The following ZFHX2 variants were observed in gnomAD, a reference collection of about 807,000 sequenced individuals.
The protein encoded by ZFHX2 is zinc finger homeobox 2, also known as zinc finger homeobox protein 2.
Under a neutral mutation model 164.8 loss-of-function variants are expected in ZFHX2, and 75 were observed. The observed-to-expected ratio is 0.46, with a 90% CI of 0.38 to 0.55. The LOEUF (loss-of-function observed/expected upper bound fraction) is 0.55. ZFHX2 is among the 20% of genes least tolerant of loss of function. The pLI is 0.00. For synonymous variants in ZFHX2, 1,217 were observed against 1,351.4 expected, an observed-to-expected ratio of 0.90 and a Z score of 2.18; for missense variants, 2,933 against 3,308.0, an observed-to-expected ratio of 0.89 and a Z score of 2.78.
At chr14:23,552,923 T>C (rs1187739420), upstream of ZFHX2, among the ~76,000 whole-genome samples, 1 of 152,118 alleles carries the variant, frequency 6.6e-6, no homozygotes. Context: ...CTAATAATAA[T>C]TTTTAAGATT....
chr14:23,529,749 G>C lies in ZFHX2; in HGVS notation c.2895C>G (p.Asn965Lys), dbSNP rs1207220422. 2 of 1,536,126 alleles carry C rather than the reference G, an allele frequency of 1.3e-6. No homozygotes were observed. The highest frequency in any genetic ancestry group is 2.7e-5 in the African/African-American group (2 of 73,012). The change falls in exon 6 of 10, where the codon AAC becomes AAG. Residue 965 changes from asparagine to lysine, a missense_variant. By Grantham distance (94) the Asn-to-Lys change is moderately conservative. Coordinates refer to ENST00000419474, the MANE Select transcript of ZFHX2 (RefSeq NM_033400.3). ...TEQLASEETE[N>K]KTGPSRDSAN... The stretch of plus-strand genomic sequence containing the variant: ...CACTGTCTCTGGAAGGGCCAGTCTT[G>C]TTTTCTGTCTCTTCTGAAGCTGAGG...
At chr14:23,549,142 C>T (rs1260696934) in intron 1 of ZFHX2, among the ~76,000 whole-genome samples, 2 of 152,132 alleles carry the variant, frequency 1.3e-5, no homozygotes, top group Admixed American at 6.6e-5. Context: ...TATCATTTCT[C>T]TTCCTTTTAC....
At position 23,526,179 on chromosome 14, in the gene ZFHX2, C is replaced by G. The variant is rs1420697215; in HGVS notation, c.3763G>C (p.Val1255Leu). ...AGGGTGGAGCTCTGGTTGTAGGAGACTCTGCAGACTGTGCACTTAAAGGGC... is the reference window on the plus strand; with the variant it reads ...AGGGTGGAGCTCTGGTTGTAGGAGAGTCTGCAGACTGTGCACTTAAAGGGC... ...DKPFKCTVCR[V>L]SYNQSSTLEI... The change falls in exon 9 of 10, where the codon GTC becomes CTC. Residue 1255 changes from valine (V) to leucine (L), a missense_variant. Coordinates refer to ENST00000419474, the MANE Select transcript of ZFHX2 (RefSeq NM_033400.3). The G allele has an allele frequency of 1.3e-6, 2 of 1,536,408 alleles. No individual in the cohort carries two copies. The highest frequency in any genetic ancestry group is 8.7e-7 in the Non-Finnish European group (1 of 1,146,948).
Position 23,534,835 on chromosome 14 carries a change from G to A in ZFHX2, c.491C>T (p.Ser164Leu), listed in dbSNP as rs1286479355. ...SLPFLAYPPP[S>L]HLTALHIQHG... is the part of the protein sequence containing the mutation. ...TTGGATGTGAAGGGCAGTGAGGTGT[G>A]AGGGGGGTGGGTAGGCAAGGAAGGG... The change falls in exon 2 of 10, where the codon TCA becomes TTA. Residue 164 changes from serine (S) to leucine (L), a missense_variant. Physicochemically the swap from Ser to Leu is moderately radical, Grantham distance 145 (BLOSUM62 -2). Coordinates refer to ENST00000419474, the MANE Select transcript of ZFHX2 (RefSeq NM_033400.3). This position sits in a 1 kb window ranked among gnomAD's most constrained non-coding sequence, Gnocchi z 4.5. 7 of 1,536,088 alleles carry A rather than the reference G, an allele frequency of 4.6e-6. No homozygotes were observed. In the Admixed American group the frequency reaches 1.4e-4, roughly 30 times the overall value.
rs542410538 is a variant in ZFHX2, at chr14:23,524,178, C to G, written c.5764G>C (p.Gly1922Arg). 2.9e-5 allele frequency: 45 copies of G among 1,536,010 alleles called. No homozygotes were observed. The highest frequency in any genetic ancestry group is 5.5e-5 in the African/African-American group (4 of 73,014). ...ERKGQFRSTP[G>R]GVPSPAVKPP... ...TTCACTGCTGGACTAGGCACCCCCC[C>G]AGGGGTGCTTCGAAACTGGCCTTTC... The change falls in exon 9 of 10, where the codon GGG (glycine) becomes CGG (arginine). Residue 1922 changes from glycine to arginine, a missense_variant. Transcript: ENST00000419474. This position sits in a 1 kb window ranked among gnomAD's most constrained non-coding sequence, Gnocchi z 5.6.
chr14:23,533,202 T>C lies in ZFHX2; in HGVS notation c.2041+83A>G. On this transcript the variant is annotated intron_variant, in intron 2 of 9. Coordinates refer to ENST00000419474, the MANE Select transcript of ZFHX2 (RefSeq NM_033400.3). This position sits in a 1 kb window ranked among gnomAD's most constrained non-coding sequence, Gnocchi z 4.8. ...TCAGAGGGACTTATGGTTACCTAAGTGGGGAGTTGGTCCTTGGGAGAAAGC... is the reference window on the plus strand; with the variant it reads ...TCAGAGGGACTTATGGTTACCTAAGCGGGGAGTTGGTCCTTGGGAGAAAGC... 1.4e-6 allele frequency: 2 copies of C among 1,435,486 alleles called. No homozygotes were observed. Among genetic ancestry groups the C allele is most frequent in the Non-Finnish European group, 1.8e-6 (2 of 1,099,116 alleles). 88.9% of individuals were successfully genotyped at this position (1,435,486 alleles called of 1,614,324 possible). A position where few individuals can be genotyped will look rare whatever the true frequency, so the allele number is the denominator to read the frequency against.
chr14:23,533,035 C>T lies in ZFHX2; in HGVS notation c.2091G>A (p.Leu697=), dbSNP rs1879755571. The T allele has an allele frequency of 6.5e-7, 1 of 1,535,522 alleles. No homozygotes were observed. The highest frequency in any genetic ancestry group is 1.4e-5 in the African/African-American group (1 of 73,132). The change falls in exon 3 of 10, where the codon CTG becomes CTA. Residue 697 remains leucine, a synonymous_variant. Coordinates refer to ENST00000419474, the MANE Select transcript of ZFHX2 (RefSeq NM_033400.3). The surrounding 1 kb of genome is among the most constrained non-coding windows in gnomAD (Gnocchi z 4.8). ...TGGGCAGGCTGTCAGATGAGGAACC[C>T]AGGAGCTGACTTGGAGGCAGGTGGG... ...PDAHLPPSQL[L]GSSSDSLPTS...
intron 6 of ZFHX2, chr14:23,528,563 A>G (rs1409715700): frequency 1.0e-6 from 1 of 973,110 alleles, no homozygotes; most frequent in African/African-American, 1.8e-5. Flanking sequence ...CATTTTCTGG[A>G]CCCAGAGGCT....
chr14:23,541,475 CAG>C (rs1566591797), intron 1 of ZFHX2, among the ~76,000 whole-genome samples: 2 of 151,952 alleles, frequency 1.3e-5, no homozygotes, highest in Non-Finnish European at 2.9e-5. Flanking sequence ...TTAGTACAGA[CAG>C]AGCTTCTCCA....
intron 3 of ZFHX2, 80 bp downstream of exon 3, chr14:23,532,487 T>C (rs1009786044): frequency 7.2e-7 from 1 of 1,391,210 alleles, no homozygotes; most frequent in African/African-American, 1.4e-5. Context: ...GGTTTTCCTA[T>C]CACTTTCTTA....
Position 23,526,168 on chromosome 14 carries a change from G to T in ZFHX2, c.3774C>A (p.Asn1258Lys). 6.5e-7 allele frequency: 1 copy of T among 1,536,486 alleles called. No individual in the cohort carries two copies. The highest frequency in any genetic ancestry group is 8.7e-7 in the Non-Finnish European group (1 of 1,146,914). Residue 1258 changes from asparagine to lysine, a missense_variant, in exon 9 of 10, where the codon AAC (asparagine) becomes AAA (lysine). Coordinates refer to ENST00000419474, the MANE Select transcript of ZFHX2 (RefSeq NM_033400.3). ...TGTGGATCTCCAGGGTGGAGCTCTG[G>T]TTGTAGGAGACTCTGCAGACTGTGC... ...FKCTVCRVSY[N>K]QSSTLEIHMR...
In ZFHX2 at chr14:23,531,483, G is replaced by T; in HGVS notation, c.2798C>A (p.Pro933His). ...TTCTCCAGTCCCTTCTTCCTCACCG[G>T]GAGTCCGGAGCTGCCCGTGGCTGAA... is the stretch of plus-strand genomic sequence containing the variant. ...LSFSHGQLRTPGKAPVTPLAE... is the reference protein window; with the variant it reads ...LSFSHGQLRTHGKAPVTPLAE... Residue 933 changes from proline to histidine, a missense_variant and splice_region_variant, in exon 4 of 10, where the codon CCC (proline) becomes CAC (histidine). By Grantham distance (77) the Pro-to-His change is moderately conservative. Transcript: ENST00000419474. 2 of 1,399,318 alleles carry T rather than the reference G, an allele frequency of 1.4e-6. No individual in the cohort carries two copies. Among genetic ancestry groups the T allele is most frequent in the East Asian group, 2.7e-5 (1 of 36,798 alleles). 86.7% of individuals were successfully genotyped at this position (1,399,318 alleles called of 1,614,324 possible).
chr14:23,541,693 C>T (rs1880833307), intron 1 of ZFHX2, among the ~76,000 whole-genome samples: 2 of 152,202 alleles, frequency 1.3e-5, no homozygotes, highest in South Asian at 4.1e-4. Context: ...AAATTGTGCC[C>T]AGGCTCACAT....
chr14:23,542,747 T>C (rs1050667691), intron 1 of ZFHX2, among the ~76,000 whole-genome samples: 11 of 148,790 alleles, frequency 7.4e-5, no homozygotes, highest in African/African-American at 9.8e-5. Flanking sequence ...AAAACATTCT[T>C]TTTTTTTTTT....
intron 1 of ZFHX2, chr14:23,538,124 CAT>C (rs2138826939): frequency 6.6e-6 from 1 of 152,382 alleles, no homozygotes; most frequent in South Asian, 2.1e-4. Context: ...TGGAAAAAGA[CAT>C]AGCTGATTCC....
chr14:23,525,687 C>A lies in ZFHX2; in HGVS notation c.4255G>T (p.Gly1419Cys). 6.5e-7 allele frequency: 1 copy of A among 1,530,224 alleles called. No homozygotes were observed. The highest frequency in any genetic ancestry group is 8.7e-7 in the Non-Finnish European group (1 of 1,143,274). The allele number at this position is 1,530,224 out of a possible 1,614,324, so 94.8% of individuals were successfully genotyped here. Residue 1419 changes from glycine to cysteine, a missense_variant, in exon 9 of 10, where the codon GGT becomes TGT. Coordinates refer to ENST00000419474, the MANE Select transcript of ZFHX2 (RefSeq NM_033400.3). This position sits in a 1 kb window ranked among gnomAD's most constrained non-coding sequence, Gnocchi z 5.9. ...EWERPPMAKE[G>C]NEAGPSSPPD... ...GGTGAGGAAGGCCCTGCCTCATTAC[C>A]CTCTTTGGCCATGGGGGGCCGCTCC...
intron 1 of ZFHX2, among the ~76,000 whole-genome samples, chr14:23,549,635 G>C (rs1462262391): frequency 1.3e-5 from 2 of 152,170 alleles, no homozygotes; most frequent in Non-Finnish European, 1.5e-5. Context: ...CTGATATCTA[G>C]AATGAACTGA....
intron 5 of ZFHX2, 34 bp downstream of exon 5, chr14:23,530,086 T>G: frequency 6.6e-7 from 1 of 1,511,380 alleles, no homozygotes; most frequent in Non-Finnish European, 8.9e-7. Flanking sequence ...TCTCAGAAGG[T>G]AGGAGGACTG....
Position 23,521,637 on chromosome 14 carries a change from AG to A in ZFHX2, c.*324del. 3.5e-6 allele frequency: 1 copy of A among 284,344 alleles called. No homozygotes were observed. Among genetic ancestry groups the A allele is most frequent in the Non-Finnish European group, 6.6e-6 (1 of 151,862 alleles). 17.6% of individuals were successfully genotyped at this position (284,344 alleles called of 1,614,324 possible). A position where few individuals can be genotyped will look rare whatever the true frequency, so the allele number is the denominator to read the frequency against. On this transcript the variant is annotated 3_prime_UTR_variant, in exon 10 of 10. Transcript: ENST00000419474. ...AGTGAGGAAAAGGAAGATAGAACCAAGGATATATTTTGTGTGTGGTAGGCAG... is the reference window on the plus strand; with the variant it reads ...AGTGAGGAAAAGGAAGATAGAACCAAGATATATTTTGTGTGTGGTAGGCAG...
Sources: gnomAD v4.1 joint callset for allele counts (sites outside exome capture counted in the v4.1 genomes callset) on GRCh38, gnomAD v4.1.1 for gene constraint, Gnocchi (gnomAD v3.1) non-coding constraint, MANE v1.5 for transcripts, NCBI Gene and HGNC (gene_info 2026-07-23, HGNC 2026-07-21) for gene names.